The following ARHGEF12 variants were observed in gnomAD, a reference collection of about 807,000 sequenced individuals.
ARHGEF12 encodes the protein KMT2A/ARHGEF12 fusion protein.
Under a neutral mutation model 211.2 loss-of-function variants are expected in ARHGEF12, and 66 were observed. The observed-to-expected ratio is 0.31, with a 90% confidence interval of 0.26 to 0.38. ARHGEF12 has a LOEUF of 0.38. Ranked by LOEUF, ARHGEF12 falls within the 10% of genes least tolerant of loss-of-function variation. The pLI, the probability that ARHGEF12 is intolerant of heterozygous loss-of-function variation, is 1.00. For missense variants in ARHGEF12, 1,429 were observed against 1,869.5 expected (o/e 0.76, Z 4.34); for synonymous variants, 592 against 638.4 (o/e 0.93, Z 1.09).
intron 1 of ARHGEF12, among the ~76,000 whole-genome samples, chr11:120,357,520 G>C (rs551242084): frequency 6.6e-6 from 1 of 152,238 alleles, no homozygotes; most frequent in South Asian, 2.1e-4. Flanking sequence ...CTGGAATGTG[G>C]GATGTAGTTA....
intron 2 of ARHGEF12, among the ~76,000 whole-genome samples, chr11:120,406,794 G>C (rs1045684099): frequency 6.6e-6 from 1 of 152,036 alleles, no homozygotes; most frequent in Admixed American, 6.6e-5. Context: ...TCCTGACCTC[G>C]TGATTCGCCC....
chr11:120,457,927 T>C, intron 24 of ARHGEF12, 153 bp from the exon 25 acceptor site: 1 of 1,136,562 alleles, frequency 8.8e-7, no homozygotes, highest in Non-Finnish European at 1.2e-6. Context: ...TTTTGAAGTA[T>C]GTATAAAACA....
chr11:120,470,300 G>C (rs1337743159), intron 30 of ARHGEF12, among the ~76,000 whole-genome samples: 1 of 152,184 alleles, frequency 6.6e-6, no homozygotes, highest in African/African-American at 2.4e-5. Context: ...GATAGATGAT[G>C]GCAGCTTAGA....
At chr11:120,467,434 T>A in intron 29 of ARHGEF12, 126 bp downstream of exon 29, 48 of 151,730 alleles carry the variant, frequency 3.2e-4, no homozygotes, top group Non-Finnish European at 4.9e-4. Context: ...CAAGATTTTC[T>A]TTTTTTTTTT....
In ARHGEF12 at chr11:120,465,372, G is replaced by A. The variant is rs1358229404; in HGVS notation, c.2739+10G>A. 3 of 1,613,822 alleles carry A rather than the reference G, an allele frequency of 1.9e-6. No homozygotes were observed. The highest frequency in any genetic ancestry group is 3.3e-5 in the Admixed American group (2 of 59,974). On this transcript the variant is annotated intron_variant, in intron 28 of 40. Coordinates refer to ENST00000397843, the MANE Select transcript of ARHGEF12 (RefSeq NM_015313.3). ...TCAGACTTTTGTGCAAGTGAGTTGAGTGAGTCATGTAAGAAAAAAAATAAG... is the reference window on the plus strand; with the variant it reads ...TCAGACTTTTGTGCAAGTGAGTTGAATGAGTCATGTAAGAAAAAAAATAAG...
At chr11:120,452,581 C>T (rs569411046) in intron 22 of ARHGEF12, among the ~76,000 whole-genome samples, 1 of 152,210 alleles carries the variant, frequency 6.6e-6, no homozygotes, top group East Asian at 1.9e-4. Flanking sequence ...TGATTTTTAT[C>T]ATGGAGAGGA....
intron 20 of ARHGEF12, 99 bp from the exon 21 acceptor site, chr11:120,449,010 T>G (rs1044805077): frequency 9.8e-7 from 1 of 1,018,450 alleles, no homozygotes; most frequent in Non-Finnish European, 1.4e-6. Flanking sequence ...CATTTACACT[T>G]AACAATTTCT....
intron 8 of ARHGEF12, 24 bp from the exon 9 acceptor site, chr11:120,429,416 G>A (rs1381191842): frequency 1.3e-6 from 2 of 1,591,488 alleles, no homozygotes; most frequent in Non-Finnish European, 1.7e-6. Flanking sequence ...GTTGTTGTTT[G>A]TTTTTTATCT....
At chr11:120,392,106 G>T (rs2135501876) in intron 1 of ARHGEF12, among the ~76,000 whole-genome samples, 1 of 152,178 alleles carries the variant, frequency 6.6e-6, no homozygotes, top group Admixed American at 6.5e-5. Flanking sequence ...TCTCATTTCA[G>T]CACTACTTTA....
At chr11:120,475,718 A>C (rs554695929) in intron 33 of ARHGEF12, among the ~76,000 whole-genome samples, 48 of 147,142 alleles carry the variant, frequency 3.3e-4, no homozygotes, top group African/African-American at 1.1e-3. Context: ...AGTTTTCTGC[A>C]TTTGAAAATT....
intron 1 of ARHGEF12, among the ~76,000 whole-genome samples, chr11:120,365,302 G>A (rs1436589417): frequency 6.6e-6 from 1 of 152,112 alleles, no homozygotes; most frequent in Non-Finnish European, 1.5e-5. Context: ...GTGCTGGTAA[G>A]CTGATAGATG....
chr11:120,441,641 T>C, intron 13 of ARHGEF12, 66 bp from the exon 14 acceptor site: 1 of 1,305,126 alleles, frequency 7.7e-7, no homozygotes, highest in Middle Eastern at 1.8e-4. Context: ...TATGTTCAAT[T>C]GAGCCTACTT....
chr11:120,396,392 G>A (rs951956862), intron 1 of ARHGEF12, among the ~76,000 whole-genome samples: 1 of 152,076 alleles, frequency 6.6e-6, no homozygotes, highest in African/African-American at 2.4e-5. Context: ...AAAAAATATG[G>A]CAAGGGAAAA....
chr11:120,442,427 TACAC>T (rs59268139), intron 15 of ARHGEF12, among the ~76,000 whole-genome samples: 2,295 of 143,982 alleles, frequency 0.016, 40 homozygotes, highest in Admixed American at 0.058. Flanking sequence ...TATATATATA[TACAC>T]ACACACACAC....
At chr11:120,425,931 TTC>T (rs1304749810) in intron 7 of ARHGEF12, among the ~76,000 whole-genome samples, 3 of 152,214 alleles carry the variant, frequency 2.0e-5, no homozygotes, top group African/African-American at 7.2e-5. Flanking sequence ...TTTTATTTAA[TTC>T]TGTTTCTCTG....
chr11:120,337,115 T>C lies in ARHGEF12; in HGVS notation c.-129T>C. ...CAGTCGGATGGTCTAGATGACTGAA[T>C]GGAGTTTTGAGTTGGACTTTTGTGT... On this transcript the variant is annotated 5_prime_UTR_variant, in exon 1 of 41. The change abolishes an upstream ATG in the 5' untranslated region. Coordinates refer to ENST00000397843, the MANE Select transcript of ARHGEF12 (RefSeq NM_015313.3). 9.1e-7 allele frequency: 1 copy of C among 1,103,816 alleles called. No homozygotes were observed. The allele number at this position is 1,103,816 out of a possible 1,614,324, so 68.4% of individuals were successfully genotyped here.
intron 1 of ARHGEF12, chr11:120,365,932 A>T (rs1027599000): frequency 6.6e-6 from 1 of 152,264 alleles, no homozygotes; most frequent in Non-Finnish European, 1.5e-5. Context: ...CTAATTCTCC[A>T]TTATAAGACT....
At position 120,407,834 on chromosome 11, in the gene ARHGEF12, A is replaced by G. The variant is rs774299182; in HGVS notation, c.142+11A>G. 8.7e-6 allele frequency: 14 copies of G among 1,608,436 alleles called. No homozygotes were observed. Among genetic ancestry groups the G allele is most frequent in the South Asian group, 7.7e-5 (7 of 90,742 alleles). Reference sequence around the variant, plus strand: ...ATTTTGACCCCACAGGTAAAACACTATTCATTCTTTCAAAGAGTATTGAGA... The same window carrying G: ...ATTTTGACCCCACAGGTAAAACACTGTTCATTCTTTCAAAGAGTATTGAGA... On this transcript the variant is annotated intron_variant, in intron 3 of 40. Transcript: ENST00000397843.
chr11:120,445,317 G>A (rs1946010933), intron 15 of ARHGEF12, 105 bp from the exon 16 acceptor site: 2 of 1,029,144 alleles, frequency 1.9e-6, no homozygotes, highest in South Asian at 1.3e-5. Flanking sequence ...GATTGTGCTT[G>A]TAGAGTGGGT....
Sources: allele counts gnomAD v4.1 joint callset (sites outside exome capture counted in the v4.1 genomes callset), GRCh38; gene constraint gnomAD v4.1.1; transcripts MANE v1.5; gene names NCBI Gene and HGNC (gene_info 2026-07-23, HGNC 2026-07-21).